Variants in DDX59 observed in about 807,000 individuals in gnomAD.
DDX59 encodes DEAD-box helicase 59.
Under a neutral mutation model 51.9 loss-of-function variants are expected in DDX59, and 30 were observed. The observed-to-expected ratio is 0.58, with a 90% CI of 0.43 to 0.78. DDX59 has a LOEUF of 0.78. Among genes scored for constraint, DDX59 ranks in the 30% least tolerant of loss-of-function variants. The probability of loss-of-function intolerance (pLI) is 0.00; values close to 1 mark genes in which losing one functional copy is unlikely to be tolerated. For missense variants in DDX59, 672 were observed against 730.8 expected (o/e 0.92, Z 0.93); for synonymous variants, 255 against 253.3 (o/e 1.01, Z -0.06).
chr1:200,645,040 A>G (rs1661212791), intron 7 of DDX59, among the ~76,000 whole-genome samples: 1 of 152,184 alleles, frequency 6.6e-6, no homozygotes, highest in African/African-American at 2.4e-5. Flanking sequence ...GACCAAACAG[A>G]AAATAAGAGA....
At chr1:200,663,761 A>C (rs1456780830) in intron 3 of DDX59, among the ~76,000 whole-genome samples, 158 bp downstream of exon 3, 2 of 147,830 alleles carry the variant, frequency 1.4e-5, no homozygotes, top group Admixed American at 1.4e-4. Context: ...CCTATATAAA[A>C]CAAACTAAAA....
chr1:200,641,462 G>A (rs1038590743), downstream of DDX59, among the ~76,000 whole-genome samples: 6 of 152,082 alleles, frequency 3.9e-5, no homozygotes, highest in Admixed American at 2.6e-4. Context: ...AACGTGCTTG[G>A]GCCTGGGCGT....
chr1:200,642,791 T>G (rs914327566), downstream of DDX59, among the ~76,000 whole-genome samples: 14 of 152,192 alleles, frequency 9.2e-5, no homozygotes, highest in African/African-American at 3.4e-4. Flanking sequence ...TTAGGGGCTC[T>G]TTCCTCCACC....
intron 3 of DDX59, among the ~76,000 whole-genome samples, chr1:200,662,825 T>G (rs1028518509): frequency 1.4e-4 from 21 of 152,182 alleles, no homozygotes; most frequent in African/African-American, 5.1e-4. Flanking sequence ...TAACCCAACT[T>G]CAAATTTGAT....
At chr1:200,663,558 T>G (rs753765805) in intron 3 of DDX59, among the ~76,000 whole-genome samples, 1 of 152,174 alleles carries the variant, frequency 6.6e-6, no homozygotes, top group Non-Finnish European at 1.5e-5. Flanking sequence ...GCAACTATTA[T>G]TTATTAGCTA....
chr1:200,669,199 AC>A (rs1223213653), intron 1 of DDX59, among the ~76,000 whole-genome samples: 1 of 152,236 alleles, frequency 6.6e-6, no homozygotes, highest in Non-Finnish European at 1.5e-5. Context: ...AAGGCTTTTA[AC>A]CTAATCTGGG....
At chr1:200,658,932 G>C (rs898015096) in intron 4 of DDX59, 95 bp downstream of exon 4, 6 of 1,073,486 alleles carry the variant, frequency 5.6e-6, no homozygotes, top group South Asian at 4.7e-5. Context: ...TTTTGAGAGA[G>C]AGAAAAGGTA....
rs1661482263 is a variant in DDX59, at chr1:200,649,113, A to T, written c.1428T>A (p.His476Gln). The change falls in exon 6 of 8, where the codon CAT (histidine) becomes CAA (glutamine). Residue 476 changes from histidine to glutamine, a missense_variant. Coordinates refer to ENST00000331314, the MANE Select transcript of DDX59 (RefSeq NM_001031725.6). ...TCCTTTCTATTTGCGACTTCTCTGA[A>T]TGTATAGATATGCTTTTCAGCCCTG... The part of the protein sequence containing the change: ...KITGLKSISI[H>Q]SEKSQIERKN... 1.3e-6 allele frequency: 2 copies of T among 1,571,938 alleles called. No homozygotes were observed. The highest frequency in any genetic ancestry group is 1.4e-5 in the African/African-American group (1 of 72,114).
rs577374123 is a variant in DDX59 at position 200,648,555 on chromosome 1, C to T, written c.1480G>A (p.Gly494Arg). 1.9e-6 allele frequency: 3 copies of T among 1,611,826 alleles called. No individual in the cohort carries two copies. Among genetic ancestry groups the T allele is most frequent in the Non-Finnish European group, 2.5e-6 (3 of 1,179,098 alleles). ...GTGCTCACTACAACTTCATAGTCTC[C>T]TTCAAGTAATCCCTTTCCAAAAAAG... is the stretch of plus-strand genomic sequence containing the variant. Reference protein sequence around the residue: ...RKNILKGLLEGDYEVVVSTGV... With the variant: ...RKNILKGLLERDYEVVVSTGV... Residue 494 changes from glycine to arginine, a missense_variant, in exon 7 of 8, where the codon GGA becomes AGA. Transcript: ENST00000331314.
In DDX59 at chr1:200,666,396, T is replaced by G; in HGVS notation, c.345A>C (p.Gly115=). ...EPICVVCGRY[G]EYICDKTDED... is the part of the protein sequence containing the mutation. Reference sequence around the variant, plus strand: ...CATCTGTCTTATCACAGATATACTCTCCATAACGACCACAGACAACACAGA... The same window carrying G: ...CATCTGTCTTATCACAGATATACTCGCCATAACGACCACAGACAACACAGA... Residue 115 remains glycine, a synonymous_variant, in exon 2 of 8, where the codon GGA becomes GGC. Coordinates refer to ENST00000331314, the MANE Select transcript of DDX59 (RefSeq NM_001031725.6). The G allele has an allele frequency of 6.2e-7, 1 of 1,614,182 alleles. No homozygotes were observed. The highest frequency in any genetic ancestry group is 8.5e-7 in the Non-Finnish European group (1 of 1,180,036).
intron 5 of DDX59, 83 bp from the exon 6 acceptor site, chr1:200,649,309 C>T (rs1571614934): frequency 7.8e-7 from 1 of 1,290,020 alleles, no homozygotes; most frequent in Non-Finnish European, 1.1e-6. Context: ...TTATCACAAG[C>T]TAGTTATCAA....
chr1:200,664,087 C>A lies in DDX59; in HGVS notation c.805-1G>T. 6.2e-7 allele frequency: 1 copy of A among 1,608,296 alleles called. No homozygotes were observed. The highest frequency in any genetic ancestry group is 2.2e-5 in the East Asian group (1 of 44,808). On this transcript the variant is annotated splice_acceptor_variant, in intron 2 of 7. Coordinates refer to ENST00000331314, the MANE Select transcript of DDX59 (RefSeq NM_001031725.6). LOFTEE classifies it high-confidence loss of function. The stretch of plus-strand genomic sequence containing the variant: ...GAATGAGCGCAGATGGAGTTTTGCT[C>A]TGCAAAGATGTGAAAAACAAGTTTA...
chr1:200,641,103 G>A, downstream of DDX59: 1 of 1,213,516 alleles, frequency 8.2e-7, no homozygotes, highest in Non-Finnish European at 1.1e-6. Context: ...TGGCTGCCAG[G>A]AAAGTCACCT....
rs1161327814 is a variant in DDX59, at chr1:200,650,413, T to A, written c.1314+12A>T. 5.0e-6 allele frequency: 8 copies of A among 1,607,244 alleles called. No individual in the cohort carries two copies. The highest frequency in any genetic ancestry group is 5.1e-6 in the Non-Finnish European group (6 of 1,175,888). Reference sequence around the variant, plus strand: ...CAATCCATAAAACATAGTTAACTGCTTTACTACTCACATTTAAAATTTCAA... The same window carrying A: ...CAATCCATAAAACATAGTTAACTGCATTACTACTCACATTTAAAATTTCAA... On this transcript the variant is annotated intron_variant, in intron 5 of 7. Coordinates refer to ENST00000331314, the MANE Select transcript of DDX59 (RefSeq NM_001031725.6).
intron 4 of DDX59, among the ~76,000 whole-genome samples, chr1:200,653,029 C>G (rs1257113122): frequency 6.6e-6 from 1 of 152,152 alleles, no homozygotes; most frequent in Non-Finnish European, 1.5e-5. Flanking sequence ...CTACTCTGAG[C>G]CTCCTTTCTC....
rs1662788671 is a variant in DDX59, at chr1:200,666,730, G to GA, written c.10_11insT (p.Pro4LeufsTer11). ...ATTCCTCTTGATTTTTAGAGATCTT[G>GA]GAACAAACATCCTTCAATATTCTGT... On this transcript the variant is annotated frameshift_variant, in exon 2 of 8. Transcript: ENST00000331314. LOFTEE classifies it high-confidence loss of function. The GA allele has an allele frequency of 5.0e-6, 8 of 1,609,666 alleles. No individual in the cohort carries two copies. The South Asian group carries it at 8.8e-5, about 18-fold the overall frequency.
chr1:200,657,706 G>A (rs975230095), intron 4 of DDX59, among the ~76,000 whole-genome samples: 33 of 143,602 alleles, frequency 2.3e-4, no homozygotes, highest in Admixed American at 4.3e-4. Flanking sequence ...CCGAGATCAC[G>A]CCACTGCACT....
intron 2 of DDX59, among the ~76,000 whole-genome samples, chr1:200,665,298 A>G (rs1662646473): frequency 6.6e-6 from 1 of 152,082 alleles, no homozygotes; most frequent in Non-Finnish European, 1.5e-5. Context: ...TCTACTAAAA[A>G]TACAAAATTA....
chr1:200,664,512 C>G (rs1662586123), intron 2 of DDX59, among the ~76,000 whole-genome samples: 1 of 152,182 alleles, frequency 6.6e-6, no homozygotes, highest in South Asian at 2.1e-4. Context: ...GTCCATATAA[C>G]TTACATATAT....
Sources: allele counts gnomAD v4.1 joint callset (sites outside exome capture counted in the v4.1 genomes callset), GRCh38; gene constraint gnomAD v4.1.1; transcripts MANE v1.5; gene names NCBI Gene and HGNC (gene_info 2026-07-23, HGNC 2026-07-21).